IL1RAPL2: variants seen among roughly 807,000 people sequenced by gnomAD.
IL1RAPL2 encodes X-linked interleukin-1 receptor accessory protein-like 2.
IL1RAPL2 carries 3 observed loss-of-function variants against 44.1 expected under a neutral mutation model. That is an observed-to-expected ratio of 0.07 (90% confidence interval 0.03 to 0.18). The LOEUF (loss-of-function observed/expected upper bound fraction) is 0.18, where lower values mean the gene tolerates loss of function less well. Among genes scored for constraint, IL1RAPL2 ranks in the 10% least tolerant of loss-of-function variants. IL1RAPL2 has a pLI of 1.00. For synonymous variants in IL1RAPL2, 181 were observed against 178.8 expected (o/e 1.01, Z -0.10); for missense variants, 391 against 496.4 (o/e 0.79, Z 2.02).
intron 6 of IL1RAPL2, among the ~76,000 whole-genome samples, chrX:105,614,662 C>T (rs1201846694): frequency 9.0e-6 from 1 of 111,478 alleles, no homozygotes; most frequent in Admixed American, 9.5e-5. Flanking sequence ...ATATCTCTCT[C>T]CTTATACAAA....
intron 5 of IL1RAPL2, among the ~76,000 whole-genome samples, chrX:105,286,089 G>A (rs2034568596): frequency 9.0e-6 from 1 of 111,478 alleles, no homozygotes. Flanking sequence ...ACTAGTTTAT[G>A]AATATTAAAG....
chrX:104,609,616 T>C (rs1022728177), intron 1 of IL1RAPL2, among the ~76,000 whole-genome samples: 1 of 111,885 alleles, frequency 8.9e-6, no homozygotes, highest in African/African-American at 3.3e-5. Flanking sequence ...CAATTACTGA[T>C]ATCCTTTTTT....
chrX:104,591,590 A>G (rs1427463183), intron 1 of IL1RAPL2, among the ~76,000 whole-genome samples: 2 of 107,213 alleles, frequency 1.9e-5, no homozygotes, highest in East Asian at 6.0e-4. Context: ...TTATAGAAAA[A>G]GAAATGAGAC....
At chrX:105,432,349 A>G (rs1020919859) in intron 5 of IL1RAPL2, among the ~76,000 whole-genome samples, 1 of 109,418 alleles carries the variant, frequency 9.1e-6, no homozygotes, top group Non-Finnish European at 1.9e-5. Context: ...CTTGGGTCCA[A>G]AAAATGACTA....
At chrX:105,195,819 AG>A (rs2033668556) in intron 3 of IL1RAPL2, 71 bp downstream of exon 3, 2 of 1,003,378 alleles carry the variant, frequency 2.0e-6, no homozygotes, top group Middle Eastern at 2.7e-4. Flanking sequence ...GAGTACATGT[AG>A]GTATGCCTCA....
chrX:104,771,109 T>C (rs1932635072), intron 2 of IL1RAPL2, among the ~76,000 whole-genome samples: 2 of 112,711 alleles, frequency 1.8e-5, no homozygotes, highest in Admixed American at 1.9e-4. Context: ...TGCTTCTTTC[T>C]ACTCTGTCTT....
At chrX:104,631,770 A>ATT (rs1929655344) in intron 1 of IL1RAPL2, among the ~76,000 whole-genome samples, 1 of 110,357 alleles carries the variant, frequency 9.1e-6, no homozygotes, top group Admixed American at 9.7e-5. Context: ...GATTGCAAAA[A>ATT]TTTTCTCCCA....
chrX:105,126,059 C>T lies in IL1RAPL2; in HGVS notation c.83-69416C>T, dbSNP rs1406430403. Among the ~76,000 whole-genome samples, 4 of 110,976 alleles carry T rather than the reference C, an allele frequency of 3.6e-5. No homozygotes were observed. In the Admixed American group the frequency reaches 3.8e-4, roughly 11 times the overall value. ...ACAGTACCCCTCTGTAATGGCAGAACATGCTATTTTTGTAGGTAGTCTATC... is the reference window on the plus strand; with the variant it reads ...ACAGTACCCCTCTGTAATGGCAGAATATGCTATTTTTGTAGGTAGTCTATC... On this transcript the variant is annotated intron_variant, in intron 2 of 10. Coordinates refer to ENST00000372582, the MANE Select transcript of IL1RAPL2 (RefSeq NM_017416.2).
At chrX:104,573,830 A>G (rs1351500157) in intron 1 of IL1RAPL2, among the ~76,000 whole-genome samples, 1 of 112,053 alleles carries the variant, frequency 8.9e-6, no homozygotes, top group African/African-American at 3.2e-5. Flanking sequence ...ATTTTAAGAA[A>G]TGACAAAGAT....
At chrX:104,629,732 C>T (rs1402942235) in intron 1 of IL1RAPL2, among the ~76,000 whole-genome samples, 1 of 111,549 alleles carries the variant, frequency 9.0e-6, no homozygotes, top group Non-Finnish European at 1.9e-5. Context: ...GATCCAGTTT[C>T]ATTCTTCTGC....
At chrX:104,967,554 A>G (rs2030150761) in intron 2 of IL1RAPL2, among the ~76,000 whole-genome samples, 1 of 111,319 alleles carries the variant, frequency 9.0e-6, no homozygotes, top group African/African-American at 3.2e-5. Context: ...GAGGACAGAA[A>G]TTAACAAAAC....
intron 6 of IL1RAPL2, among the ~76,000 whole-genome samples, chrX:105,530,830 T>C (rs963207634): frequency 4.8e-5 from 5 of 103,435 alleles, no homozygotes; most frequent in African/African-American, 1.8e-4. Flanking sequence ...AGTGAGAACA[T>C]GGGATGTTTG....
At chrX:105,504,382 A>T (rs2036416694) in intron 6 of IL1RAPL2, among the ~76,000 whole-genome samples, 1 of 111,410 alleles carries the variant, frequency 9.0e-6, no homozygotes, top group African/African-American at 3.3e-5. Context: ...TTGAAGTATT[A>T]TTATTTTTTC....
chrX:105,449,761 CA>C lies in IL1RAPL2; in HGVS notation c.698-34546del, dbSNP rs201892022. On this transcript the variant is annotated intron_variant, in intron 5 of 10. Transcript: ENST00000372582. ...ATTCCGTCAAAAAAAAAACAAAAAA[CA>C]AAAAACAGAAGTATTCTCTGGATTA... is the stretch of plus-strand genomic sequence containing the variant. Among the ~76,000 whole-genome samples, 809 of 110,657 alleles carry C rather than the reference CA, an allele frequency of 7.3e-3. 8 individuals are homozygous for C. Among genetic ancestry groups the C allele is most frequent in the African/African-American group, 0.025 (771 of 30,412 alleles).
At chrX:105,523,674 GTC>G (rs1208706652) in intron 6 of IL1RAPL2, among the ~76,000 whole-genome samples, 1 of 111,081 alleles carries the variant, frequency 9.0e-6, no homozygotes, top group Non-Finnish European at 1.9e-5. Context: ...TCAGAGAAAA[GTC>G]TATAGGGGTC....
chrX:104,992,606 C>T (rs1020604405), intron 2 of IL1RAPL2, among the ~76,000 whole-genome samples: 1 of 110,833 alleles, frequency 9.0e-6, no homozygotes, highest in Non-Finnish European at 1.9e-5. Flanking sequence ...CCCACCTGGC[C>T]GTTATGGCTC....
intron 4 of IL1RAPL2, among the ~76,000 whole-genome samples, chrX:105,243,038 G>T (rs782766535): frequency 1.6e-4 from 18 of 110,675 alleles, no homozygotes; most frequent in Non-Finnish European, 3.2e-4. Flanking sequence ...GGCAGAGGTT[G>T]CAGTGAGCTG....
intron 6 of IL1RAPL2, among the ~76,000 whole-genome samples, chrX:105,598,500 T>A (rs749097796): frequency 9.0e-6 from 1 of 111,637 alleles, no homozygotes; most frequent in South Asian, 3.8e-4. Flanking sequence ...TATGCTAAAT[T>A]GTTAACCTGT....
chrX:105,072,790 G>C (rs1300121805), intron 2 of IL1RAPL2, among the ~76,000 whole-genome samples: 1 of 109,903 alleles, frequency 9.1e-6, no homozygotes, highest in Non-Finnish European at 1.9e-5. Flanking sequence ...CCCTCCCCTA[G>C]CTCCTCACTC....
Sources: allele counts gnomAD v4.1 joint callset (sites outside exome capture counted in the v4.1 genomes callset), GRCh38; gene constraint gnomAD v4.1.1; transcripts MANE v1.5; gene names NCBI Gene and HGNC (gene_info 2026-07-23, HGNC 2026-07-21).